The following PDE7B variants were observed in gnomAD, a reference collection of about 807,000 sequenced individuals.
PDE7B encodes 3',5'-cyclic-AMP phosphodiesterase 7B.
Under a neutral mutation model 56.2 loss-of-function variants are expected in PDE7B, and 29 were observed. That is an observed-to-expected ratio of 0.52 (90% CI 0.38 to 0.70). PDE7B has a LOEUF of 0.70. Among genes scored for constraint, PDE7B ranks in the 30% least tolerant of loss-of-function variants. PDE7B has a pLI of 0.00. For synonymous variants in PDE7B, 197 were observed against 196.9 expected (o/e 1.00, Z 0.00); for missense variants, 490 against 565.0 (o/e 0.87, Z 1.35).
chr6:135,979,474 C>G (rs866808896), intron 2 of PDE7B, among the ~76,000 whole-genome samples: 1 of 151,576 alleles, frequency 6.6e-6, no homozygotes, highest in Non-Finnish European at 1.5e-5. Flanking sequence ...CCTTGTACCT[C>G]TGGTAGAATT....
At chr6:135,931,308 T>G (rs1774288064) in intron 1 of PDE7B, among the ~76,000 whole-genome samples, 1 of 152,236 alleles carries the variant, frequency 6.6e-6, no homozygotes. Flanking sequence ...TAATATTCTT[T>G]GATTATCCAA....
intron 1 of PDE7B, among the ~76,000 whole-genome samples, chr6:135,867,634 G>A (rs1039247935): frequency 6.6e-6 from 1 of 151,978 alleles, no homozygotes; most frequent in Non-Finnish European, 1.5e-5. Flanking sequence ...CTCTTAAATG[G>A]TAAGTTTTAT....
chr6:135,971,663 A>G (rs1212667765), intron 2 of PDE7B, among the ~76,000 whole-genome samples: 2 of 152,184 alleles, frequency 1.3e-5, no homozygotes, highest in Non-Finnish European at 2.9e-5. Context: ...TTCAAAAGAC[A>G]TTGGTATGAG....
At chr6:136,173,527 G>C (rs983701488) in intron 8 of PDE7B, among the ~76,000 whole-genome samples, 3 of 152,186 alleles carry the variant, frequency 2.0e-5, no homozygotes, top group African/African-American at 4.8e-5. Flanking sequence ...GAGGGGCAGA[G>C]GCAGGAGTGA....
chr6:135,952,805 A>G (rs1166814618), intron 2 of PDE7B, among the ~76,000 whole-genome samples: 1 of 152,158 alleles, frequency 6.6e-6, no homozygotes, highest in Non-Finnish European at 1.5e-5. Flanking sequence ...TTGAGACCTG[A>G]TTACAGAGAG....
chr6:135,928,528 T>TACAC (rs747659706), intron 1 of PDE7B, among the ~76,000 whole-genome samples: 6 of 134,744 alleles, frequency 4.5e-5, no homozygotes, highest in African/African-American at 1.6e-4. Flanking sequence ...TTTATATATA[T>TACAC]ACACACACAC....
intron 7 of PDE7B, 142 bp downstream of exon 7, chr6:136,154,317 C>G (rs1490668958): frequency 1.9e-6 from 1 of 524,778 alleles, no homozygotes; most frequent in Non-Finnish European, 3.4e-6. Context: ...ATTAAGGTTC[C>G]AGTATCAGCT....
chr6:136,057,155 T>G (rs965645657), intron 2 of PDE7B, among the ~76,000 whole-genome samples: 1 of 152,246 alleles, frequency 6.6e-6, no homozygotes, highest in Non-Finnish European at 1.5e-5. Context: ...AGCTAAGTGA[T>G]GTACATGCTA....
At chr6:136,183,255 T>C (rs573089008) in intron 11 of PDE7B, among the ~76,000 whole-genome samples, 3 of 152,154 alleles carry the variant, frequency 2.0e-5, no homozygotes, top group Non-Finnish European at 4.4e-5. Flanking sequence ...CTAGTCCTTT[T>C]TATTTAATAG....
intron 11 of PDE7B, among the ~76,000 whole-genome samples, chr6:136,183,768 C>A (rs560292365): frequency 6.6e-6 from 1 of 151,980 alleles, no homozygotes; most frequent in African/African-American, 2.4e-5. Context: ...TTCCAGCCTG[C>A]TCCTGGCAGG....
rs1583933000 is a variant in PDE7B at position 136,186,915 on chromosome 6, C to T, written c.1046-121C>T. The T allele has an allele frequency of 1.0e-5, 7 of 682,068 alleles. No homozygotes were observed. The East Asian group carries it at 1.9e-4, about 18-fold the overall frequency. 42.3% of individuals were successfully genotyped at this position (682,068 alleles called of 1,614,324 possible). Reference sequence around the variant, plus strand: ...GTGCTGAAGGGTCCCTAAGGGATAACAAGTCAGGAAACAGTAATTCCCAGA... The same window carrying T: ...GTGCTGAAGGGTCCCTAAGGGATAATAAGTCAGGAAACAGTAATTCCCAGA... On this transcript the variant is annotated intron_variant, in intron 11 of 12. Transcript: ENST00000308191.
intron 2 of PDE7B, among the ~76,000 whole-genome samples, chr6:135,970,771 T>C (rs1775081273): frequency 6.6e-6 from 1 of 152,138 alleles, no homozygotes; most frequent in African/African-American, 2.4e-5. Flanking sequence ...ACGACATTCG[T>C]CAGGGCTGGA....
At chr6:136,009,073 A>C (rs571571601) in intron 2 of PDE7B, among the ~76,000 whole-genome samples, 8 of 151,794 alleles carry the variant, frequency 5.3e-5, no homozygotes, top group East Asian at 3.9e-4. Context: ...TTTTCCCAGC[A>C]CCATTTATTA....
chr6:135,861,522 T>A (rs891489240), intron 1 of PDE7B, among the ~76,000 whole-genome samples: 1 of 149,528 alleles, frequency 6.7e-6, no homozygotes, highest in African/African-American at 2.4e-5. Flanking sequence ...TACTTATATA[T>A]ATATAATAAA....
intron 2 of PDE7B, among the ~76,000 whole-genome samples, chr6:135,954,044 T>C (rs1382416744): frequency 6.6e-6 from 1 of 152,194 alleles, no homozygotes; most frequent in Non-Finnish European, 1.5e-5. Context: ...TGAACCTGGA[T>C]ATTCTCAAGG....
At chr6:136,066,863 T>G (rs1168051522) in intron 2 of PDE7B, among the ~76,000 whole-genome samples, 1 of 151,592 alleles carries the variant, frequency 6.6e-6, no homozygotes. Context: ...TTTTTTTTTT[T>G]TTTTTTGAAA....
Position 136,179,020 on chromosome 6 carries a change from G to C in PDE7B, c.827G>C (p.Gly276Ala), listed in dbSNP as rs1779022089. The C allele has an allele frequency of 6.2e-7, 1 of 1,614,112 alleles. No homozygotes were observed. The highest frequency in any genetic ancestry group is 8.5e-7 in the Non-Finnish European group (1 of 1,179,998). ...EMTQDIEQQL[G>A]SLILATDINR... ...AGACAGGATATTGAACAGCAGCTGG[G>C]CTCCTTGATCTTGGCAACAGACATC... Residue 276 changes from glycine to alanine, a missense_variant, in exon 10 of 13, where the codon GGC becomes GCC. Transcript: ENST00000308191.
chr6:135,924,241 T>C (rs1308566651), intron 1 of PDE7B, among the ~76,000 whole-genome samples: 2 of 152,204 alleles, frequency 1.3e-5, no homozygotes, highest in Non-Finnish European at 2.9e-5. Flanking sequence ...ATCACAATGC[T>C]CCTTATGACC....
At chr6:136,115,778 C>G (rs1583889182) in intron 3 of PDE7B, among the ~76,000 whole-genome samples, 1 of 152,210 alleles carries the variant, frequency 6.6e-6, no homozygotes, top group African/African-American at 2.4e-5. Context: ...GTGCTCTGAG[C>G]CACACCAACC....
Sources: allele counts gnomAD v4.1 joint callset (sites outside exome capture counted in the v4.1 genomes callset), GRCh38; gene constraint gnomAD v4.1.1; transcripts MANE v1.5; gene names NCBI Gene and HGNC (gene_info 2026-07-23, HGNC 2026-07-21).